OPTC: variants seen among roughly 807,000 people sequenced by gnomAD.
OPTC encodes oculoglycan.
OPTC carries 22 observed loss-of-function variants against 25.4 expected under a neutral mutation model. The ratio of observed to expected loss-of-function variants is 0.87; its 90% confidence interval spans 0.62 to 1.24. The LOEUF (loss-of-function observed/expected upper bound fraction) is 1.24. OPTC is among the 50% of genes most tolerant of loss of function. The pLI is 0.00. For missense variants in OPTC, 417 were observed against 425.2 expected, an observed-to-expected ratio of 0.98 and a Z score of 0.17; for synonymous variants, 169 against 179.3, an observed-to-expected ratio of 0.94 and a Z score of 0.46.
Position 203,503,570 on chromosome 1 carries a change from G to A in OPTC, c.849G>A (p.Met283Ile), listed in dbSNP as rs748063663. The A allele has an allele frequency of 2.5e-6, 4 of 1,613,526 alleles. No homozygotes were observed. Among genetic ancestry groups the A allele is most frequent in the African/African-American group, 2.7e-5 (2 of 74,928 alleles). ...VHLQNNLIETMQRDVFCDPEE... is the reference protein window; with the variant it reads ...VHLQNNLIETIQRDVFCDPEE... ...CCCAGAATAACCTGATAGAGACCAT[G>A]CAGAGAGACGTCTTCTGTGACCCCG... The change falls in exon 7 of 8, where the codon ATG becomes ATA. Residue 283 changes from methionine (M) to isoleucine (I), a missense_variant. Transcript: ENST00000367222.
At position 203,507,356 on chromosome 1, in the gene OPTC, T is replaced by G. The variant is rs115113011; in HGVS notation, c.*26-1290T>G. 5.6e-3 allele frequency among the ~76,000 whole-genome samples: 860 copies of G among 152,260 alleles called. 8 individuals are homozygous for G. Among genetic ancestry groups the G allele is most frequent in the African/African-American group, 0.02 (829 of 41,546 alleles). ...AAAGGAAGGGAGTGAGAGGAGGGGC[T>G]GTGGGGTCCAGCCAGGCACGGCAGC... is the stretch of plus-strand genomic sequence containing the variant. On this transcript the variant is annotated intron_variant, in intron 7 of 7. Transcript: ENST00000367222.
intron 7 of OPTC, among the ~76,000 whole-genome samples, chr1:203,505,661 G>A (rs538356323): frequency 6.6e-6 from 1 of 152,332 alleles, no homozygotes; most frequent in Non-Finnish European, 1.5e-5. Flanking sequence ...GGTGACTCAG[G>A]GTTGGACCAG....
In OPTC at chr1:203,497,068, C is replaced by G; in HGVS notation, c.323C>G (p.Thr108Ser). The change falls in exon 3 of 8, where the codon ACC (threonine) becomes AGC (serine). Residue 108 changes from threonine (T) to serine (S), a missense_variant. Transcript: ENST00000367222. ...ACACCCTCGTCAAACCCCACGATGA[C>G]CAGACCTACTACAGCAGGGCTGCTA... The part of the protein sequence containing the change: ...PGTPSSNPTM[T>S]RPTTAGLLLS... 2 of 1,614,078 alleles carry G rather than the reference C, an allele frequency of 1.2e-6. No individual in the cohort carries two copies. The highest frequency in any genetic ancestry group is 2.2e-5 in the South Asian group (2 of 91,078).
At chr1:203,495,931 C>A in intron 1 of OPTC, 34 bp from the exon 2 acceptor site, 1 of 976,904 alleles carries the variant, frequency 1.0e-6, no homozygotes, top group Non-Finnish European at 1.6e-6. Flanking sequence ...GCCTGTCCCT[C>A]AGATCGCTGC....
chr1:203,498,623 G>A (rs1240886958), intron 3 of OPTC, 58 bp from the exon 4 acceptor site: 1 of 1,604,964 alleles, frequency 6.2e-7, no homozygotes, highest in Non-Finnish European at 8.5e-7. Context: ...TGGGGCGAGG[G>A]CCATTGGCCC....
chr1:203,506,039 G>A (rs766455122), intron 7 of OPTC, among the ~76,000 whole-genome samples: 11 of 151,216 alleles, frequency 7.3e-5, no homozygotes, highest in South Asian at 4.2e-4. Flanking sequence ...CCAATATCCC[G>A]TTCCATATCC....
chr1:203,497,700 G>A (rs923628797), intron 3 of OPTC, among the ~76,000 whole-genome samples: 2 of 152,144 alleles, frequency 1.3e-5, no homozygotes, highest in Non-Finnish European at 2.9e-5. Context: ...CGGTTTCCCT[G>A]TTCTCTTCTC....
rs757711658 is a variant in OPTC at position 203,503,537 on chromosome 1, G to A, written c.829-13G>A. On this transcript the variant is annotated splice_polypyrimidine_tract_variant and intron_variant, in intron 6 of 7. Transcript: ENST00000367222. ...CCTCTTGGTGAGGCTCAGCTGGTAT[G>A]TGTTCTTCCCAGAATAACCTGATAG... The A allele has an allele frequency of 3.7e-6, 6 of 1,612,984 alleles. No homozygotes were observed. The South Asian group carries it at 5.5e-5, about 15-fold the overall frequency.
At chr1:203,498,619 G>A (rs998293190) in intron 3 of OPTC, 62 bp from the exon 4 acceptor site, 97 of 1,594,592 alleles carry the variant, frequency 6.1e-5, no homozygotes, top group Middle Eastern at 1.7e-4. Context: ...TCCCTGGGGC[G>A]AGGGCCATTG....
chr1:203,503,807 CT>C, intron 7 of OPTC, 62 bp downstream of exon 7: 2 of 1,407,522 alleles, frequency 1.4e-6, no homozygotes, highest in Non-Finnish European at 2.0e-6. Flanking sequence ...AATTCCTTAT[CT>C]TTAAACGGTG....
At position 203,496,013 on chromosome 1, in the gene OPTC, T is replaced by A; in HGVS notation, c.8T>A (p.Leu3His). Residue 3 changes from leucine (L) to histidine (H), a missense_variant, in exon 2 of 8, where the codon CTC becomes CAC. Coordinates refer to ENST00000367222, the MANE Select transcript of OPTC (RefSeq NM_014359.4). MR[L>H]LAFLSLLALV... Reference sequence around the variant, plus strand: ...AGTCCCATCTGACTCCCCATGAGGCTCCTGGCTTTCCTGAGTCTGCTGGCC... The same window carrying A: ...AGTCCCATCTGACTCCCCATGAGGCACCTGGCTTTCCTGAGTCTGCTGGCC... 4.3e-6 allele frequency: 7 copies of A among 1,611,772 alleles called. No homozygotes were observed. The highest frequency in any genetic ancestry group is 5.1e-6 in the Non-Finnish European group (6 of 1,178,934).
At chr1:203,495,364 C>T (rs982570895) in intron 1 of OPTC, among the ~76,000 whole-genome samples, 2 of 152,218 alleles carry the variant, frequency 1.3e-5, no homozygotes, top group Admixed American at 1.3e-4. Flanking sequence ...ACTAAAAATA[C>T]AAAAATTAGC....
At chr1:203,500,113 G>GCCACCACCA (rs1661357274) in intron 5 of OPTC, among the ~76,000 whole-genome samples, 1 of 86 alleles carries the variant, frequency 0.012, no homozygotes. Flanking sequence ...ACCTACCACT[G>GCCACCACCA]CCACCACCAC....
At chr1:203,499,872 C>A (rs911571226) in intron 5 of OPTC, 21 bp downstream of exon 5, 6 of 1,593,268 alleles carry the variant, frequency 3.8e-6, no homozygotes, top group Non-Finnish European at 5.1e-6. Flanking sequence ...GCCTTAGATC[C>A]ACTATCTATC....
intron 5 of OPTC, among the ~76,000 whole-genome samples, chr1:203,502,281 C>T (rs1661402837): frequency 6.6e-6 from 1 of 152,160 alleles, no homozygotes; most frequent in Admixed American, 6.5e-5. Flanking sequence ...CCTCTCTGTG[C>T]CTGAGGTTCT....
intron 5 of OPTC, among the ~76,000 whole-genome samples, chr1:203,502,502 T>C (rs1435376357): frequency 1.4e-4 from 21 of 152,242 alleles, no homozygotes; most frequent in Non-Finnish European, 1.2e-4. Flanking sequence ...TAGATAATTG[T>C]CCATGGCCCC....
Position 203,499,037 on chromosome 1 carries a change from C to A in OPTC, c.529+198C>A, listed in dbSNP as rs2306151. Reference sequence around the variant, plus strand: ...TGAAGTATTTAGATGGTGGAAGGGACCTGTTTTTATTTGTTCTCCAAAAAC... The same window carrying A: ...TGAAGTATTTAGATGGTGGAAGGGAACTGTTTTTATTTGTTCTCCAAAAAC... On this transcript the variant is annotated intron_variant, in intron 4 of 7. Coordinates refer to ENST00000367222, the MANE Select transcript of OPTC (RefSeq NM_014359.4). Among the ~76,000 whole-genome samples the A allele has an allele frequency of 0.14, 21,985 of 152,072 alleles. 1,785 individuals carry two copies. The highest frequency in any genetic ancestry group is 0.31 in the East Asian group (1,614 of 5,162).
intron 4 of OPTC, 34 bp downstream of exon 4, chr1:203,498,873 C>T: frequency 6.2e-7 from 1 of 1,610,836 alleles, no homozygotes; most frequent in Admixed American, 1.7e-5. Flanking sequence ...GGAGTGGGGG[C>T]AGGCATATGC....
At position 203,499,695 on chromosome 1, in the gene OPTC, C is replaced by CGATAAT. The variant is rs1558237810; in HGVS notation, c.580_585dup (p.Asn194_Asp195dup). On this transcript the variant is annotated inframe_insertion, in exon 5 of 8. Coordinates refer to ENST00000367222, the MANE Select transcript of OPTC (RefSeq NM_014359.4). ...TCTCCAACAACCTCATTTCCTCCAT[C>CGATAAT]GATAATGATGCCTTCCGCCTGCTAC... 6.2e-7 allele frequency: 1 copy of CGATAAT among 1,613,584 alleles called. No individual in the cohort carries two copies. The highest frequency in any genetic ancestry group is 1.7e-5 in the Admixed American group (1 of 60,002).
Sources: allele counts gnomAD v4.1 joint callset (sites outside exome capture counted in the v4.1 genomes callset), GRCh38; gene constraint gnomAD v4.1.1; transcripts MANE v1.5; gene names NCBI Gene and HGNC (gene_info 2026-07-23, HGNC 2026-07-21).